STRIP2: variants seen among roughly 807,000 people sequenced by gnomAD.
The protein encoded by STRIP2 is striatin-interacting protein 2.
In STRIP2, 84 loss-of-function variants were observed where a neutral mutation model predicts 107.1. The ratio of observed to expected loss-of-function variants is 0.78; its 90% CI spans 0.66 to 0.94. The LOEUF is 0.94. Among genes scored for constraint, STRIP2 ranks in the 40% least tolerant of loss-of-function variants. The pLI is 0.00. For missense variants in STRIP2, 888 were observed against 1,034.2 expected, an observed-to-expected ratio of 0.86 and a Z score of 1.94; for synonymous variants, 394 against 400.4, an observed-to-expected ratio of 0.98 and a Z score of 0.19.
intron 3 of STRIP2, among the ~76,000 whole-genome samples, chr7:129,449,364 C>G (rs1478134088): frequency 6.6e-6 from 1 of 152,190 alleles, no homozygotes; most frequent in African/African-American, 2.4e-5. Flanking sequence ...GGACTTTCGT[C>G]TAGTTATAGG....
chr7:129,452,077 T>C (rs1253275722), intron 4 of STRIP2, among the ~76,000 whole-genome samples: 1 of 152,184 alleles, frequency 6.6e-6, no homozygotes, highest in Non-Finnish European at 1.5e-5. Flanking sequence ...CAGCTGATCA[T>C]GGAGACAAGA....
chr7:129,464,577 A>G, intron 15 of STRIP2, 35 bp from the exon 16 acceptor site: 1 of 1,612,790 alleles, frequency 6.2e-7, no homozygotes, highest in East Asian at 2.2e-5. Flanking sequence ...CTTTAAGGCC[A>G]CTCTCTGCAC....
Position 129,438,438 on chromosome 7 carries a change from T to G in STRIP2, c.130-1584T>G, listed in dbSNP as rs1231740844. Among the ~76,000 whole-genome samples the G allele has an allele frequency of 7.9e-5, 12 of 152,216 alleles. No homozygotes were observed. In the East Asian group the frequency reaches 2.3e-3, roughly 29 times the overall value. ...AATATTAAAATCATAGAGTGACCACTCACATAGTGCTACGAAGTGCTAGGC... is the reference window on the plus strand; with the variant it reads ...AATATTAAAATCATAGAGTGACCACGCACATAGTGCTACGAAGTGCTAGGC... On this transcript the variant is annotated intron_variant, in intron 1 of 20. Transcript: ENST00000249344.
chr7:129,456,614 A>G lies in STRIP2; in HGVS notation c.1010A>G (p.Lys337Arg). The G allele has an allele frequency of 6.2e-7, 1 of 1,613,952 alleles. No individual in the cohort carries two copies. The highest frequency in any genetic ancestry group is 8.5e-7 in the Non-Finnish European group (1 of 1,179,984). ...TCTCAGCTGGCACCCCCACCCTCCA[A>G]GCTGCGAGGCCGCCGTGGCTCTCGA... ...GESQLAPPPSKLRGRRGSRRQ... is the reference protein window; with the variant it reads ...GESQLAPPPSRLRGRRGSRRQ... The change falls in exon 9 of 21, where the codon AAG becomes AGG. Residue 337 changes from lysine (K) to arginine (R), a missense_variant. Physicochemically the swap from Lys to Arg is conservative, Grantham distance 26. Coordinates refer to ENST00000249344, the MANE Select transcript of STRIP2 (RefSeq NM_020704.3).
At chr7:129,454,004 C>T in intron 5 of STRIP2, 138 bp from the exon 6 acceptor site, 1 of 713,282 alleles carries the variant, frequency 1.4e-6, no homozygotes, top group Non-Finnish European at 2.3e-6. Context: ...TCTGTCAGCT[C>T]CTTTACTCTA....
At position 129,453,367 on chromosome 7, in the gene STRIP2, G is replaced by C. The variant is rs1278715687; in HGVS notation, c.530+20G>C. ...AATTGAGTGAGAAGCCTTAGGGGAA[G>C]GGCTGGCCTACATAACCCCCATTCC... On this transcript the variant is annotated intron_variant, in intron 5 of 20. Transcript: ENST00000249344. The C allele has an allele frequency of 6.2e-7, 1 of 1,613,852 alleles. No homozygotes were observed. Among genetic ancestry groups the C allele is most frequent in the East Asian group, 2.2e-5 (1 of 44,878 alleles).
chr7:129,481,792 T>C (rs1799122601), intron 19 of STRIP2, among the ~76,000 whole-genome samples: 1 of 152,138 alleles, frequency 6.6e-6, no homozygotes, highest in African/African-American at 2.4e-5. Flanking sequence ...TGATATGGAA[T>C]GGTTTTCAAG....
intron 3 of STRIP2, among the ~76,000 whole-genome samples, chr7:129,445,543 G>A (rs916178305): frequency 1.3e-5 from 2 of 151,722 alleles, no homozygotes; most frequent in South Asian, 2.1e-4. Flanking sequence ...TTCCTGGACC[G>A]GTGAATCCTG....
chr7:129,480,736 A>C, intron 18 of STRIP2, 49 bp from the exon 19 acceptor site: 1 of 1,507,232 alleles, frequency 6.6e-7, no homozygotes, highest in Non-Finnish European at 9.1e-7. Flanking sequence ...TTCTGTGGGA[A>C]TTAAAGCCTT....
chr7:129,471,900 T>G (rs1798796808), intron 18 of STRIP2, among the ~76,000 whole-genome samples: 1 of 152,198 alleles, frequency 6.6e-6, no homozygotes, highest in Non-Finnish European at 1.5e-5. Context: ...AGTTGGAAGC[T>G]TTTTATTCCT....
chr7:129,436,133 T>G (rs1797732918), intron 1 of STRIP2, among the ~76,000 whole-genome samples: 1 of 152,172 alleles, frequency 6.6e-6, no homozygotes, highest in African/African-American at 2.4e-5. Context: ...TCAAATGTTT[T>G]TTTGGGGAGA....
chr7:129,452,544 C>T (rs545473351), intron 4 of STRIP2, among the ~76,000 whole-genome samples: 2 of 152,280 alleles, frequency 1.3e-5, no homozygotes, highest in South Asian at 4.1e-4. Flanking sequence ...TATGTTTGCC[C>T]AAGGACTTTA....
intron 18 of STRIP2, among the ~76,000 whole-genome samples, chr7:129,472,800 T>C (rs1798824421): frequency 7.1e-6 from 1 of 141,620 alleles, no homozygotes; most frequent in Non-Finnish European, 1.5e-5. Flanking sequence ...TTTTTTTTTT[T>C]TTTTGAGACA....
chr7:129,450,777 A>G, intron 3 of STRIP2, among the ~76,000 whole-genome samples: 1 of 152,114 alleles, frequency 6.6e-6, no homozygotes, highest in East Asian at 1.9e-4. Context: ...TGCAGCCTAT[A>G]CAGGGCAGCC....
chr7:129,464,640 G>A lies in STRIP2; in HGVS notation c.1678G>A (p.Gly560Ser), dbSNP rs1194564203. ...PITVLQSMKL[G>S]IDVNRHKEII... ...CACTGTTCTCCAGAGCATGAAGCTG[G>A]GCATCGATGTGAACAGGCACAAGGA... The change falls in exon 16 of 21, where the codon GGC becomes AGC. Residue 560 changes from glycine to serine, a missense_variant. By Grantham distance (56) the Gly-to-Ser change is moderately conservative (BLOSUM62 0). Coordinates refer to ENST00000249344, the MANE Select transcript of STRIP2 (RefSeq NM_020704.3). 4 of 1,613,824 alleles carry A rather than the reference G, an allele frequency of 2.5e-6. No individual in the cohort carries two copies. The Admixed American group carries it at 5.0e-5, about 20-fold the overall frequency.
At chr7:129,476,137 G>T (rs899053274) in intron 18 of STRIP2, among the ~76,000 whole-genome samples, 2 of 151,812 alleles carry the variant, frequency 1.3e-5, no homozygotes, top group African/African-American at 4.8e-5. Context: ...CAGAAGGGGT[G>T]GCCAGGCAGA....
chr7:129,454,071 G>C lies in STRIP2; in HGVS notation c.531-71G>C. 2.8e-6 allele frequency: 4 copies of C among 1,416,832 alleles called. No individual in the cohort carries two copies. The South Asian group carries it at 3.6e-5, about 13-fold the overall frequency. 87.8% of individuals were successfully genotyped at this position (1,416,832 alleles called of 1,614,324 possible). A position where few individuals can be genotyped will look rare whatever the true frequency, so the allele number is the denominator to read the frequency against. Reference sequence around the variant, plus strand: ...GAATGGCAAGCACTCATATTTGTGTGAGTGATAAGTAAGAGCACAGAGAGA... The same window carrying C: ...GAATGGCAAGCACTCATATTTGTGTCAGTGATAAGTAAGAGCACAGAGAGA... On this transcript the variant is annotated intron_variant, in intron 5 of 20. Coordinates refer to ENST00000249344, the MANE Select transcript of STRIP2 (RefSeq NM_020704.3).
At chr7:129,469,183 G>T (rs1221919469) in intron 17 of STRIP2, among the ~76,000 whole-genome samples, 1 of 152,174 alleles carries the variant, frequency 6.6e-6, no homozygotes, top group Non-Finnish European at 1.5e-5. Flanking sequence ...TTCAATAGAT[G>T]TCCATTTGGT....
chr7:129,448,472 C>T (rs1798095803), intron 3 of STRIP2, among the ~76,000 whole-genome samples: 1 of 152,206 alleles, frequency 6.6e-6, no homozygotes, highest in Non-Finnish European at 1.5e-5. Flanking sequence ...CAGGGGGTTC[C>T]AGGTCTATTA....
Sources: gnomAD v4.1 joint callset for allele counts (sites outside exome capture counted in the v4.1 genomes callset) on GRCh38, gnomAD v4.1.1 for gene constraint, MANE v1.5 for transcripts, NCBI Gene and HGNC (gene_info 2026-07-23, HGNC 2026-07-21) for gene names.